Variants in MAGI1 observed in about 807,000 individuals in gnomAD.
MAGI1 encodes membrane-associated guanylate kinase, WW and PDZ domain-containing protein 1.
A neutral mutation model predicts 139.9 loss-of-function variants in MAGI1; 58 were observed. The ratio of observed to expected loss-of-function variants is 0.41; its 90% CI spans 0.34 to 0.52. The LOEUF (loss-of-function observed/expected upper bound fraction) is 0.52. Ranked by LOEUF, MAGI1 falls within the 20% of genes least tolerant of loss-of-function variation. MAGI1 has a pLI of 0.12. For missense variants in MAGI1, 1,874 were observed against 1,901.6 expected (o/e 0.99, Z 0.27); for synonymous variants, 812 against 737.9 (o/e 1.10, Z -1.63).
chr3:65,876,934 G>A (rs564601918), intron 1 of MAGI1, among the ~76,000 whole-genome samples: 117 of 152,010 alleles, frequency 7.7e-4, no homozygotes, highest in African/African-American at 2.6e-3. Flanking sequence ...TAGTAGAGAC[G>A]GGGTTTCACC....
At chr3:65,830,353 A>G (rs1161406529) in intron 1 of MAGI1, among the ~76,000 whole-genome samples, 2 of 152,106 alleles carry the variant, frequency 1.3e-5, no homozygotes, top group Non-Finnish European at 2.9e-5. Flanking sequence ...GAGAGAGAGA[A>G]AGAAAACATA....
intron 2 of MAGI1, among the ~76,000 whole-genome samples, chr3:65,510,497 C>T (rs1310275815): frequency 5.4e-5 from 8 of 148,842 alleles, no homozygotes; most frequent in East Asian, 2.0e-4. Context: ...TCGAGAACTA[C>T]GTGAAGAATG....
intron 1 of MAGI1, among the ~76,000 whole-genome samples, chr3:66,012,762 T>C (rs1196608960): frequency 3.6e-5 from 4 of 111,076 alleles, no homozygotes; most frequent in Non-Finnish European, 1.9e-5. Flanking sequence ...TGAGACTCCA[T>C]CTCAAAAAAA....
intron 1 of MAGI1, among the ~76,000 whole-genome samples, chr3:65,808,008 G>A (rs1291689441): frequency 7.1e-6 from 1 of 140,892 alleles, no homozygotes; most frequent in Non-Finnish European, 1.6e-5. Flanking sequence ...TTGAGGTCAG[G>A]ACTTTTTTTT....
chr3:65,361,153 G>T (rs1258766245), intron 22 of MAGI1, 46 bp downstream of exon 22: 2 of 1,614,016 alleles, frequency 1.2e-6, no homozygotes, highest in Admixed American at 3.3e-5. Flanking sequence ...ACAAATTCAT[G>T]GAGTCATGCC....
chr3:65,637,280 T>C (rs544067110), intron 1 of MAGI1, among the ~76,000 whole-genome samples: 1 of 152,210 alleles, frequency 6.6e-6, no homozygotes, highest in African/African-American at 2.4e-5. Flanking sequence ...AAGCTGGGCA[T>C]GGTGGCTCCT....
At chr3:65,564,174 G>A (rs1016117958) in intron 2 of MAGI1, among the ~76,000 whole-genome samples, 1 of 152,010 alleles carries the variant, frequency 6.6e-6, no homozygotes, top group African/African-American at 2.4e-5. Context: ...GGAACGGAGT[G>A]CAGGGCTGGC....
chr3:65,379,083 C>T lies in MAGI1; in HGVS notation c.2995+178G>A, dbSNP rs148003803. On this transcript the variant is annotated intron_variant, in intron 17 of 22. Transcript: ENST00000402939. ...AAAGGGTTGAACAAATATTCCCAAC[C>T]TTCAAAAGGGAAAAAGCTACCAAAT... 4.5e-4 allele frequency: 609 copies of T among 1,360,682 alleles called. 3 individuals are homozygous for T. The African/African-American group carries it at 6.9e-3, about 15-fold the overall frequency. 84.3% of individuals were successfully genotyped at this position (1,360,682 alleles called of 1,614,324 possible).
chr3:65,607,246 G>C (rs2082790899), intron 2 of MAGI1, among the ~76,000 whole-genome samples: 1 of 151,470 alleles, frequency 6.6e-6, no homozygotes, highest in Admixed American at 6.6e-5. Context: ...ACCTACCCCA[G>C]TCTCTTGCAG....
intron 2 of MAGI1, among the ~76,000 whole-genome samples, chr3:65,601,095 T>C (rs1229580863): frequency 4.6e-5 from 7 of 152,194 alleles, no homozygotes; most frequent in Non-Finnish European, 1.0e-4. Flanking sequence ...GACTAAGTAT[T>C]ATTACTGGCA....
chr3:65,815,113 G>GT lies in MAGI1; in HGVS notation c.314-193026dup, dbSNP rs1344695504. On this transcript the variant is annotated intron_variant, in intron 1 of 22. Coordinates refer to ENST00000402939, the MANE Select transcript of MAGI1 (RefSeq NM_001033057.2). ...TCTCTAGAGGGAGGCGGCAGCATTC[G>GT]TATCTGCTCTCTCCCTGCAACCTGT... 3.9e-5 allele frequency among the ~76,000 whole-genome samples: 6 copies of GT among 152,164 alleles called. No individual in the cohort carries two copies. The East Asian group carries it at 1.2e-3, about 29-fold the overall frequency.
intron 1 of MAGI1, among the ~76,000 whole-genome samples, chr3:65,876,669 G>T (rs1022970966): frequency 1.3e-5 from 2 of 151,732 alleles, no homozygotes; most frequent in Non-Finnish European, 2.9e-5. Flanking sequence ...GGGCAGCAGT[G>T]ATATTAAAGA....
rs948867720 is a variant in MAGI1, at chr3:65,629,368, T to C, written c.314-7280A>G. On this transcript the variant is annotated intron_variant, in intron 1 of 22. Transcript: ENST00000402939. ...GTCAAAGAATGGTATTTCATTACAATTAGAATTGACACTTTAATACAGTTC... is the reference window on the plus strand; with the variant it reads ...GTCAAAGAATGGTATTTCATTACAACTAGAATTGACACTTTAATACAGTTC... Among the ~76,000 whole-genome samples, 7 of 152,182 alleles carry C rather than the reference T, an allele frequency of 4.6e-5. No homozygotes were observed. The South Asian group carries it at 6.2e-4, about 14-fold the overall frequency.
rs776179992 is a variant in MAGI1, at chr3:65,391,095, G to C, written c.2416+47C>G. 2.7e-6 allele frequency: 4 copies of C among 1,489,774 alleles called. No individual in the cohort carries two copies. In the South Asian group the frequency reaches 4.6e-5, roughly 17 times the overall value. The allele number at this position is 1,489,774 out of a possible 1,614,324, so 92.3% of individuals were successfully genotyped here. On this transcript the variant is annotated intron_variant, in intron 14 of 22. Transcript: ENST00000402939. ...CAATAACCTTCAAGAGAAAGGTAGA[G>C]CCCTGCGGAGGGGTCAGGGTAAGAC...
chr3:65,613,227 A>G (rs561529770), intron 2 of MAGI1, among the ~76,000 whole-genome samples: 2 of 152,262 alleles, frequency 1.3e-5, no homozygotes, highest in African/African-American at 4.8e-5. Context: ...ATACTACAGA[A>G]TACAGAATAC....
rs185006043 is a variant in MAGI1 at position 65,615,890 on chromosome 3, G to A, written c.430+6082C>T. Among the ~76,000 whole-genome samples the A allele has an allele frequency of 5.0e-3, 762 of 152,316 alleles. 6 individuals carry two copies. The highest frequency in any genetic ancestry group is 0.02 in the Middle Eastern group (6 of 294). The stretch of plus-strand genomic sequence containing the variant: ...GGAAACCACGTACAAGCAGTGCAGT[G>A]ATATCCTTGACACAGTAACGCCCTT... On this transcript the variant is annotated intron_variant, in intron 2 of 22. Transcript: ENST00000402939.
rs1188883674 is a variant in MAGI1, at chr3:65,930,517, G to C, written c.313+107479C>G. Among the ~76,000 whole-genome samples the C allele has an allele frequency of 3.3e-5, 5 of 152,110 alleles. No homozygotes were observed. In the East Asian group the frequency reaches 9.7e-4, roughly 30 times the overall value. Reference sequence around the variant, plus strand: ...GAGGCAGAGGCAGGCAGATCACTTTGTCAGAGGTGTTTGAACCACAGCAAC... The same window carrying C: ...GAGGCAGAGGCAGGCAGATCACTTTCTCAGAGGTGTTTGAACCACAGCAAC... On this transcript the variant is annotated intron_variant, in intron 1 of 22. Transcript: ENST00000402939.
In MAGI1 at chr3:65,364,584, A is replaced by G. The variant is rs1941224052; in HGVS notation, c.3351+81T>C. 1.7e-5 allele frequency: 21 copies of G among 1,253,428 alleles called. No homozygotes were observed. The South Asian group carries it at 2.7e-4, about 16-fold the overall frequency. 77.6% of individuals were successfully genotyped at this position (1,253,428 alleles called of 1,614,324 possible). On this transcript the variant is annotated intron_variant, in intron 20 of 22. Transcript: ENST00000402939. ...ATTTCTTTTAAATTAAAGGTGCTTC[A>G]AAAAATATCCCATAAAAGTAGCTTG...
intron 1 of MAGI1, among the ~76,000 whole-genome samples, chr3:65,946,479 C>G (rs2063549803): frequency 6.6e-6 from 1 of 152,030 alleles, no homozygotes; most frequent in African/African-American, 2.4e-5. Context: ...GAAATTTCAG[C>G]AACCTCCTCC....
Sources: allele counts gnomAD v4.1 joint callset (sites outside exome capture counted in the v4.1 genomes callset), GRCh38; gene constraint gnomAD v4.1.1; transcripts MANE v1.5; gene names NCBI Gene and HGNC (gene_info 2026-07-23, HGNC 2026-07-21).